MTHFD1L: variants seen among roughly 807,000 people sequenced by gnomAD.
MTHFD1L encodes the protein methylenetetrahydrofolate dehydrogenase (NADP+ dependent) 1 like.
Under a neutral mutation model 119.5 loss-of-function variants are expected in MTHFD1L, and 81 were observed. The ratio of observed to expected loss-of-function variants is 0.68; its 90% CI spans 0.57 to 0.82. MTHFD1L has a LOEUF of 0.82. MTHFD1L is among the 40% of genes least tolerant of loss of function. The pLI is 0.00. For missense variants in MTHFD1L, 1,125 were observed against 1,253.4 expected (o/e 0.90, Z 1.55); for synonymous variants, 430 against 475.2 (o/e 0.90, Z 1.24).
intron 20 of MTHFD1L, among the ~76,000 whole-genome samples, chr6:150,977,764 C>T (rs1250294682): frequency 6.6e-6 from 1 of 152,086 alleles, no homozygotes; most frequent in African/African-American, 2.4e-5. Flanking sequence ...GTGCAGAATG[C>T]AATTGTGTAT....
chr6:151,093,098 G>A (rs999611484), intron 27 of MTHFD1L, among the ~76,000 whole-genome samples: 2 of 152,172 alleles, frequency 1.3e-5, no homozygotes, highest in Non-Finnish European at 2.9e-5. Context: ...AACAGTTCTG[G>A]AGGCTAGAAG....
intron 26 of MTHFD1L, among the ~76,000 whole-genome samples, chr6:151,067,834 A>G (rs1791501863): frequency 6.6e-6 from 1 of 152,246 alleles, no homozygotes; most frequent in Non-Finnish European, 1.5e-5. Flanking sequence ...GCAGCCTGCC[A>G]GCTTGGCGTT....
intron 24 of MTHFD1L, among the ~76,000 whole-genome samples, chr6:151,022,835 G>A (rs1784129436): frequency 6.6e-6 from 1 of 152,110 alleles, no homozygotes; most frequent in Non-Finnish European, 1.5e-5. Flanking sequence ...TCATAAACCT[G>A]TTTCTTCCCC....
intron 26 of MTHFD1L, among the ~76,000 whole-genome samples, chr6:151,057,877 C>T (rs552138694): frequency 2.6e-5 from 4 of 152,306 alleles, no homozygotes; most frequent in African/African-American, 9.6e-5. Flanking sequence ...CTCCCAGGCT[C>T]AAGTGATTTT....
At chr6:150,950,733 G>A (rs556824048) in intron 16 of MTHFD1L, among the ~76,000 whole-genome samples, 4 of 152,124 alleles carry the variant, frequency 2.6e-5, no homozygotes, top group Admixed American at 6.5e-5. Flanking sequence ...GCAGTGGTGC[G>A]ATCTAGGCTC....
chr6:151,010,393 T>C (rs1782052328), intron 21 of MTHFD1L, among the ~76,000 whole-genome samples: 1 of 152,180 alleles, frequency 6.6e-6, no homozygotes, highest in South Asian at 2.1e-4. Context: ...GATTTTTCAT[T>C]GTTTGTACAG....
intron 24 of MTHFD1L, among the ~76,000 whole-genome samples, chr6:151,026,654 TGTAG>T (rs2060241632): frequency 6.6e-6 from 1 of 152,024 alleles, no homozygotes; most frequent in Admixed American, 6.6e-5. Flanking sequence ...AAGACACAAG[TGTAG>T]ACACCAGGCT....
chr6:151,027,680 G>A lies in MTHFD1L; in HGVS notation c.2587-6813G>A, dbSNP rs76843434. Among the ~76,000 whole-genome samples, 927 of 149,780 alleles carry A rather than the reference G, an allele frequency of 6.2e-3. 8 individuals are homozygous for A. The highest frequency in any genetic ancestry group is 0.021 in the African/African-American group (849 of 40,682). ...TTACACTTCTCCCCCAAATCAAGCA[G>A]ATTAACCATAGGAAGTTCCTTGCCT... is the stretch of plus-strand genomic sequence containing the variant. On this transcript the variant is annotated intron_variant, in intron 24 of 27. Transcript: ENST00000367321.
At chr6:151,092,665 G>GTGGTATCAGAAAAAA in intron 27 of MTHFD1L, 78 bp downstream of exon 27, 1 of 792,658 alleles carries the variant, frequency 1.3e-6, no homozygotes, top group Non-Finnish European at 2.0e-6. Flanking sequence ...TTTTTTTTCT[G>GTGGTATCAGAAAAAA]ATACCACAGA....
intron 26 of MTHFD1L, among the ~76,000 whole-genome samples, chr6:151,067,842 G>T (rs541362615): frequency 6.6e-6 from 1 of 152,180 alleles, no homozygotes; most frequent in East Asian, 1.9e-4. Flanking sequence ...CCAGCTTGGC[G>T]TTACCATTAA....
intron 7 of MTHFD1L, among the ~76,000 whole-genome samples, chr6:150,891,526 T>C (rs1462311828): frequency 6.8e-6 from 1 of 147,990 alleles, no homozygotes; most frequent in African/African-American, 2.5e-5. Flanking sequence ...TAGGATTATA[T>C]ATAATATATA....
intron 24 of MTHFD1L, among the ~76,000 whole-genome samples, chr6:151,030,885 A>G (rs370266089): frequency 9.8e-5 from 15 of 152,354 alleles, no homozygotes; most frequent in Admixed American, 2.6e-4. Flanking sequence ...TGAACATTGA[A>G]TCTTTTACAT....
intron 20 of MTHFD1L, among the ~76,000 whole-genome samples, chr6:150,991,590 GA>G (rs1368176242): frequency 6.6e-6 from 1 of 152,118 alleles, no homozygotes; most frequent in African/African-American, 2.4e-5. Flanking sequence ...AAAATGACTT[GA>G]AAAATCAAGT....
rs570935251 is a variant in MTHFD1L at position 150,960,313 on chromosome 6, G to A, written c.1842G>A (p.Ala614=). ...TCGCAGTGGCCAGCGAGATCATGGC[G>A]GTGCTGGCCCTGACGGACAGCCTCG... ...FDIAVASEIM[A]VLALTDSLAD... Residue 614 remains alanine (A), a synonymous_variant, in exon 18 of 28, where the codon GCG becomes GCA. Coordinates refer to ENST00000367321, the MANE Select transcript of MTHFD1L (RefSeq NM_015440.5). 4.3e-5 allele frequency: 70 copies of A among 1,614,006 alleles called. No homozygotes were observed. The highest frequency in any genetic ancestry group is 1.6e-4 in the East Asian group (7 of 44,876).
intron 10 of MTHFD1L, among the ~76,000 whole-genome samples, chr6:150,923,537 A>C (rs938148249): frequency 4.2e-5 from 4 of 95,202 alleles, no homozygotes; most frequent in African/African-American, 5.1e-5. Context: ...TTATTTATTT[A>C]TTTTTTCTTT....
chr6:150,923,114 C>A (rs1021512651), intron 10 of MTHFD1L, among the ~76,000 whole-genome samples: 18 of 152,128 alleles, frequency 1.2e-4, no homozygotes, highest in Non-Finnish European at 7.3e-5. Flanking sequence ...AAAGGACCGT[C>A]CAAACCAAAC....
intron 20 of MTHFD1L, among the ~76,000 whole-genome samples, chr6:151,004,292 T>C (rs1348187493): frequency 2.0e-5 from 3 of 152,086 alleles, no homozygotes; most frequent in African/African-American, 7.2e-5. Context: ...ACCACTGCAC[T>C]CCAGCCTGGG....
intron 20 of MTHFD1L, among the ~76,000 whole-genome samples, chr6:150,988,441 A>G (rs903084518): frequency 4.6e-5 from 7 of 152,222 alleles, no homozygotes; most frequent in South Asian, 2.1e-4. Context: ...TATAATTACA[A>G]TATTGTGCTG....
intron 9 of MTHFD1L, 67 bp downstream of exon 9, chr6:150,918,735 G>A: frequency 7.4e-7 from 1 of 1,344,854 alleles, no homozygotes; most frequent in East Asian, 2.3e-5. Flanking sequence ...CTAACATTTT[G>A]CAAGTGGTTT....
Sources: gnomAD v4.1 joint callset for allele counts (sites outside exome capture counted in the v4.1 genomes callset) on GRCh38, gnomAD v4.1.1 for gene constraint, MANE v1.5 for transcripts, NCBI Gene and HGNC (gene_info 2026-07-23, HGNC 2026-07-21) for gene names.